Variants in SH3D19 observed in about 807,000 individuals in gnomAD.
The protein encoded by SH3D19 is SH3 domain containing 19, also known as SH3 domain-containing protein 19.
In SH3D19, 58 loss-of-function variants were observed where a neutral mutation model predicts 112.1. The observed-to-expected ratio is 0.52, with a 90% CI of 0.42 to 0.64. SH3D19 has a LOEUF of 0.64. Among genes scored for constraint, SH3D19 ranks in the 30% least tolerant of loss-of-function variants. The pLI, the probability that SH3D19 is intolerant of heterozygous loss-of-function variation, is 0.00. For synonymous variants in SH3D19, 391 were observed against 448.5 expected, an observed-to-expected ratio of 0.87 and a Z score of 1.62; for missense variants, 1,090 against 1,263.4, an observed-to-expected ratio of 0.86 and a Z score of 2.08.
intron 8 of SH3D19, among the ~76,000 whole-genome samples, chr4:151,162,684 T>G (rs1364726385): frequency 6.9e-6 from 1 of 145,926 alleles, no homozygotes; most frequent in South Asian, 2.4e-4. Context: ...AACCTCCAAA[T>G]CCTGGGTTTA....
intron 1 of SH3D19, among the ~76,000 whole-genome samples, chr4:151,287,881 T>TCA (rs1774970745): frequency 6.6e-6 from 1 of 152,126 alleles, no homozygotes; most frequent in African/African-American, 2.4e-5. Flanking sequence ...CCCCTCTCTC[T>TCA]TTTTTTATTT....
chr4:151,321,972 C>T (rs1362327193), intron 1 of SH3D19, among the ~76,000 whole-genome samples: 3 of 152,166 alleles, frequency 2.0e-5, no homozygotes, highest in African/African-American at 7.2e-5. Context: ...TATTACCACT[C>T]TCTGTCAGGT....
chr4:151,325,326 G>A lies in SH3D19; in HGVS notation c.27C>T (p.Asp9=), dbSNP rs1364149458. 1 of 1,216,874 alleles carries A rather than the reference G, an allele frequency of 8.2e-7. No homozygotes were observed. Among genetic ancestry groups the A allele is most frequent in the East Asian group, 3.3e-5 (1 of 30,320 alleles). The allele number at this position is 1,216,874 out of a possible 1,614,324, so 75.4% of individuals were successfully genotyped here. MAEGRRRE[D]EEEELRERRE... The stretch of plus-strand genomic sequence containing the variant: ...GGCGCTCGCGTAGCTCTTCCTCCTC[G>A]TCCTCCCGCCGCCGGCCCTCAGCCA... The change falls in exon 1 of 20, where the codon GAC becomes GAT. Residue 9 remains aspartate (D), a synonymous_variant. Transcript: ENST00000604030.
At position 151,322,431 on chromosome 4, in the gene SH3D19, T is replaced by TAAA. The variant is rs57301959; in HGVS notation, c.112+2807_112+2809dup. On this transcript the variant is annotated intron_variant, in intron 1 of 19. Transcript: ENST00000604030. Reference sequence around the variant, plus strand: ...CTGGGCGACAGAGCAAGACTCTGCCTAAAAAAAAAAAAAAAAAAAAAAAAC... The same window carrying TAAA: ...CTGGGCGACAGAGCAAGACTCTGCCTAAAAAAAAAAAAAAAAAAAAAAAAAAAC... Among the ~76,000 whole-genome samples, 75 of 38,406 alleles carry TAAA rather than the reference T, an allele frequency of 2.0e-3. 2 individuals carry two copies. The highest frequency in any genetic ancestry group is 5.4e-3 in the African/African-American group (66 of 12,206). 25.2% of individuals were successfully genotyped at this position (38,406 alleles called of 152,430 possible).
At chr4:151,252,025 T>C (rs1561401861) in intron 1 of SH3D19, among the ~76,000 whole-genome samples, 1 of 152,216 alleles carries the variant, frequency 6.6e-6, no homozygotes, top group African/African-American at 2.4e-5. Context: ...TCTGTGCCCA[T>C]TGCCTTTGTT....
Position 151,125,051 on chromosome 4 carries a change from T to TTTTCTTTC in SH3D19, c.3027+2559_3027+2566dup, listed in dbSNP as rs10658828. On this transcript the variant is annotated intron_variant, in intron 19 of 19. Transcript: ENST00000604030. ...TGACTCTCAAGGACTAAGGCAACAGTTTTCTTTCTTTCTTTCTTTCTTTTT... is the reference window on the plus strand; with the variant it reads ...TGACTCTCAAGGACTAAGGCAACAGTTTTCTTTCTTTCTTTCTTTCTTTCTTTCTTTTT... Among the ~76,000 whole-genome samples the TTTTCTTTC allele has an allele frequency of 4.5e-3, 681 of 151,438 alleles. 2 individuals are homozygous for TTTTCTTTC. Among genetic ancestry groups the TTTTCTTTC allele is most frequent in the Non-Finnish European group, 6.3e-3 (427 of 67,832 alleles).
intron 1 of SH3D19, among the ~76,000 whole-genome samples, chr4:151,307,019 T>TC (rs2126352157): frequency 1.2e-5 from 1 of 85,240 alleles, no homozygotes; most frequent in African/African-American, 9.5e-5. Flanking sequence ...GATGACTTCT[T>TC]TTTTTTTTTT....
At chr4:151,170,682 C>A (rs1025562336) in intron 7 of SH3D19, 1 of 152,048 alleles carries the variant, frequency 6.6e-6, no homozygotes, top group Non-Finnish European at 1.5e-5. Flanking sequence ...GTGGCAAAGA[C>A]GACAAGAGAT....
intron 9 of SH3D19, among the ~76,000 whole-genome samples, chr4:151,158,145 C>T (rs1193612229): frequency 3.9e-5 from 6 of 152,090 alleles, no homozygotes; most frequent in African/African-American, 1.4e-4. Context: ...GCTTACTACC[C>T]TGATCTGATC....
Position 151,229,711 on chromosome 4 carries a change from G to A in SH3D19, c.113-3625C>T, listed in dbSNP as rs529460193. 8.5e-5 allele frequency among the ~76,000 whole-genome samples: 13 copies of A among 152,250 alleles called. No individual in the cohort carries two copies. In the South Asian group the frequency reaches 2.7e-3, roughly 32 times the overall value. On this transcript the variant is annotated intron_variant, in intron 1 of 19. Transcript: ENST00000604030. ...GTGGATCACCTGAGGTCAGGAGTTTGGGACCAGCCTGGCCAACATGGCAAA... is the reference window on the plus strand; with the variant it reads ...GTGGATCACCTGAGGTCAGGAGTTTAGGACCAGCCTGGCCAACATGGCAAA...
chr4:151,187,748 T>G (rs1398705791), intron 2 of SH3D19, among the ~76,000 whole-genome samples: 1 of 152,210 alleles, frequency 6.6e-6, no homozygotes, highest in East Asian at 1.9e-4. Flanking sequence ...TGGATACCAC[T>G]CGTAATTAGA....
At chr4:151,292,849 G>A (rs1346763371) in intron 1 of SH3D19, among the ~76,000 whole-genome samples, 1 of 152,152 alleles carries the variant, frequency 6.6e-6, no homozygotes, top group African/African-American at 2.4e-5. Flanking sequence ...TAAGCTACAG[G>A]TGGCTCACAC....
Position 151,227,730 on chromosome 4 carries a change from A to G in SH3D19, c.113-1644T>C, listed in dbSNP as rs534019312. On this transcript the variant is annotated intron_variant, in intron 1 of 19. Coordinates refer to ENST00000604030, the MANE Select transcript of SH3D19 (RefSeq NM_001378122.1). ...GCCAGAAACTGAATACAGATTAGCT[A>G]TCCTCATATAACAAAGCAACAACTC... is the stretch of plus-strand genomic sequence containing the variant. The G allele has an allele frequency of 1.4e-5, 14 of 983,476 alleles. No homozygotes were observed. In the African/African-American group the frequency reaches 2.4e-4, roughly 17 times the overall value. The allele number at this position is 983,476 out of a possible 1,614,324, so 60.9% of individuals were successfully genotyped here.
rs1753487624 is a variant in SH3D19 at position 151,144,061 on chromosome 4, C to A, written c.2083-11G>T. 5 of 1,602,510 alleles carry A rather than the reference C, an allele frequency of 3.1e-6. No individual in the cohort carries two copies. Among genetic ancestry groups the A allele is most frequent in the Non-Finnish European group, 3.4e-6 (4 of 1,176,208 alleles). ...AAGTACATCCCCACGCTGCAAGGTA[C>A]AATACCACTCTCTGAAGCAATTATT... On this transcript the variant is annotated splice_polypyrimidine_tract_variant and intron_variant, in intron 11 of 19. Coordinates refer to ENST00000604030, the MANE Select transcript of SH3D19 (RefSeq NM_001378122.1).
At chr4:151,217,037 G>A (rs1767240859) in intron 2 of SH3D19, among the ~76,000 whole-genome samples, 2 of 152,022 alleles carry the variant, frequency 1.3e-5, no homozygotes, top group African/African-American at 2.4e-5. Flanking sequence ...CCTTGTTTAT[G>A]GCATTACAGA....
intron 1 of SH3D19, among the ~76,000 whole-genome samples, chr4:151,249,163 TATACTC>T (rs1300340777): frequency 6.6e-6 from 1 of 152,222 alleles, no homozygotes; most frequent in Non-Finnish European, 1.5e-5. Flanking sequence ...AAAACACACA[TATACTC>T]ATACACGTAT....
At chr4:151,295,105 GC>G (rs1580434528) in intron 1 of SH3D19, among the ~76,000 whole-genome samples, 2 of 152,240 alleles carry the variant, frequency 1.3e-5, no homozygotes, top group African/African-American at 4.8e-5. Flanking sequence ...GGGAGCAGGG[GC>G]CAGGTCCTGC....
intron 11 of SH3D19, 86 bp downstream of exon 11, chr4:151,147,836 A>C: frequency 6.8e-7 from 1 of 1,469,340 alleles, no homozygotes; most frequent in Middle Eastern, 2.0e-4. Context: ...CATTTGTTCC[A>C]TCATCTTTTT....
chr4:151,274,478 T>C (rs537183672), intron 1 of SH3D19, among the ~76,000 whole-genome samples: 1 of 152,292 alleles, frequency 6.6e-6, no homozygotes, highest in East Asian at 1.9e-4. Context: ...AAAGATAATC[T>C]GTGCCAAATA....
Sources: gnomAD v4.1 joint callset for allele counts (sites outside exome capture counted in the v4.1 genomes callset) on GRCh38, gnomAD v4.1.1 for gene constraint, MANE v1.5 for transcripts, NCBI Gene and HGNC (gene_info 2026-07-23, HGNC 2026-07-21) for gene names.